Variants in UPF1 observed in about 807,000 individuals in gnomAD.
UPF1 encodes regulator of nonsense transcripts 1.
Under a neutral mutation model 129.2 loss-of-function variants are expected in UPF1, and 9 were observed. That is an observed-to-expected ratio of 0.07 (90% CI 0.04 to 0.12). UPF1 has a LOEUF of 0.12. UPF1 is among the 10% of genes least tolerant of loss of function. The pLI, the probability that UPF1 is intolerant of heterozygous loss-of-function variation, is 1.00. For synonymous variants in UPF1, 649 were observed against 644.9 expected (o/e 1.01, Z -0.10); for missense variants, 788 against 1,525.3 (o/e 0.52, Z 8.05).
At chr19:18,847,263 A>G (rs1013727634) in intron 2 of UPF1, among the ~76,000 whole-genome samples, 1 of 152,216 alleles carries the variant, frequency 6.6e-6, no homozygotes, top group African/African-American at 2.4e-5. Context: ...GATTTTCAGA[A>G]AACCACAGCC....
intron 1 of UPF1, among the ~76,000 whole-genome samples, chr19:18,843,896 C>T (rs1477061102): frequency 6.6e-6 from 1 of 152,016 alleles, no homozygotes; most frequent in East Asian, 1.9e-4. Flanking sequence ...CAAGTGTGCG[C>T]CACCACACCT....
chr19:18,832,333 A>G lies in UPF1; in HGVS notation c.124A>G (p.Ser42Gly), dbSNP rs1363610764. 4 of 1,439,778 alleles carry G rather than the reference A, an allele frequency of 2.8e-6. No homozygotes were observed. In the African/African-American group the frequency reaches 4.4e-5, roughly 16 times the overall value. 89.2% of individuals were successfully genotyped at this position (1,439,778 alleles called of 1,614,324 possible). ...CGAGTTCACCGACTTTACTCTTCCT[A>G]GCCAGACGCAGACGCCCCCCGGCGG... The part of the protein sequence containing the change: ...EFEFTDFTLP[S>G]QTQTPPGGPG... The change falls in exon 1 of 24, where the codon AGC becomes GGC. Residue 42 changes from serine to glycine, a missense_variant. By Grantham distance (56) the Ser-to-Gly change is moderately conservative (BLOSUM62 0). Around this residue, in one of 6 missense-constraint regions of UPF1, gnomAD observed 112 missense variants for 128.2 expected, o/e 0.87. Transcript: ENST00000262803. The surrounding 1 kb of genome is among the most constrained non-coding windows in gnomAD (Gnocchi z 5.6).
At chr19:18,835,140 T>C (rs1191818469) in intron 1 of UPF1, among the ~76,000 whole-genome samples, 1 of 152,132 alleles carries the variant, frequency 6.6e-6, no homozygotes, top group African/African-American at 2.4e-5. Flanking sequence ...CTCACCTGCT[T>C]TCTGTCTCAA....
At position 18,832,510 on chromosome 19, in the gene UPF1, C is replaced by T. The variant is rs531398545; in HGVS notation, c.231+70C>T. ...CGCCTGAGACCTGCCCCGAACTCGC[C>T]TCGGGCCCGGCCTGTGTTTGGCCGG... On this transcript the variant is annotated intron_variant, in intron 1 of 23. Coordinates refer to ENST00000262803, the MANE Select transcript of UPF1 (RefSeq NM_002911.4). This position sits in a 1 kb window ranked among gnomAD's most constrained non-coding sequence, Gnocchi z 5.6. The T allele has an allele frequency of 7.5e-5, 73 of 977,890 alleles. No homozygotes were observed. The highest frequency in any genetic ancestry group is 3.9e-4 in the African/African-American group (22 of 57,142). 60.6% of individuals were successfully genotyped at this position (977,890 alleles called of 1,614,324 possible). A position where few individuals can be genotyped will look rare whatever the true frequency, so the allele number is the denominator to read the frequency against.
rs755352967 is a variant in UPF1, at chr19:18,855,229, C to T, written c.1531C>T (p.Arg511Trp). The change falls in exon 11 of 24, where the codon CGG becomes TGG. Residue 511 changes from arginine (R) to tryptophan (W), a missense_variant. This residue lies in a region of UPF1 where 91 missense variants were observed against 157.2 expected (regional missense o/e 0.58). Transcript: ENST00000262803. ...TSATIVYHLA[R>W]QGNGPVLVCA... The stretch of plus-strand genomic sequence containing the variant: ...GGCCACCATCGTCTACCACCTGGCC[C>T]GGCAAGGCAACGGGTAGGGCTGACA... 1.2e-5 allele frequency: 19 copies of T among 1,611,426 alleles called. No homozygotes were observed. Among genetic ancestry groups the T allele is most frequent in the Non-Finnish European group, 1.2e-5 (14 of 1,179,968 alleles).
At chr19:18,833,936 A>G (rs2055456304) in intron 1 of UPF1, among the ~76,000 whole-genome samples, 1 of 152,140 alleles carries the variant, frequency 6.6e-6, no homozygotes, top group Non-Finnish European at 1.5e-5. Context: ...TATTCCTTAA[A>G]ATAGAAGGTG....
chr19:18,865,248 C>G lies in UPF1; in HGVS notation c.2858-41C>G. On this transcript the variant is annotated intron_variant, in intron 20 of 23. Coordinates refer to ENST00000262803, the MANE Select transcript of UPF1 (RefSeq NM_002911.4). The surrounding 1 kb of genome is among the most constrained non-coding windows in gnomAD (Gnocchi z 6.1). ...GGGTGGGGTATCGCTGGGGTTTGAC[C>G]GAGGCAGGTGACACCTGCCGTGTTC... The G allele has an allele frequency of 6.4e-7, 1 of 1,564,688 alleles. No homozygotes were observed. The highest frequency in any genetic ancestry group is 8.7e-7 in the Non-Finnish European group (1 of 1,148,638).
rs1037258585 is a variant in UPF1, at chr19:18,867,054, T to C, written c.*537T>C. ...CCTTCATTTAAAGAAAATAAGGGTG[T>C]TTTGGGTTTTTCTCTTTGTTTTTTT... On this transcript the variant is annotated 3_prime_UTR_variant, in exon 24 of 24. Coordinates refer to ENST00000262803, the MANE Select transcript of UPF1 (RefSeq NM_002911.4). 5 of 152,580 alleles carry C rather than the reference T, an allele frequency of 3.3e-5. No individual in the cohort carries two copies. The highest frequency in any genetic ancestry group is 1.2e-4 in the African/African-American group (5 of 41,432). The allele number at this position is 152,580 out of a possible 1,614,324, so 9.5% of individuals were successfully genotyped here. A position where few individuals can be genotyped will look rare whatever the true frequency, so the allele number is the denominator to read the frequency against.
At chr19:18,848,772 A>G (rs2055626865) in intron 3 of UPF1, among the ~76,000 whole-genome samples, 1 of 152,172 alleles carries the variant, frequency 6.6e-6, no homozygotes, top group Non-Finnish European at 1.5e-5. Flanking sequence ...TTTTTAAAAG[A>G]TTTTAAAGAA....
intron 1 of UPF1, among the ~76,000 whole-genome samples, chr19:18,844,324 T>C (rs561376045): frequency 4.0e-5 from 6 of 149,408 alleles, no homozygotes; most frequent in African/African-American, 1.5e-4. Context: ...GTTTTTCTTT[T>C]TTCTTTTTTT....
rs543426971 is a variant in UPF1, at chr19:18,866,234, C to T, written c.*3+68C>T. The T allele has an allele frequency of 4.3e-3, 6,364 of 1,484,630 alleles. 19 individuals are homozygous for T. Among genetic ancestry groups the T allele is most frequent in the Middle Eastern group, 5.7e-3 (26 of 4,590 alleles). The allele number at this position is 1,484,630 out of a possible 1,614,324, so 92.0% of individuals were successfully genotyped here. A position where few individuals can be genotyped will look rare whatever the true frequency, so the allele number is the denominator to read the frequency against. ...GGAGAAGGATGGGAGGGGGCTCTCC[C>T]CAGGGAGCTGCACTGGAGGGGTGGT... is the stretch of plus-strand genomic sequence containing the variant. On this transcript the variant is annotated intron_variant, in intron 23 of 23. Transcript: ENST00000262803.
In UPF1 at chr19:18,855,980, A is replaced by C. The variant is rs777064083; in HGVS notation, c.1600A>C (p.Ile534Leu). 6.2e-7 allele frequency: 1 copy of C among 1,614,004 alleles called. No homozygotes were observed. The highest frequency in any genetic ancestry group is 8.5e-7 in the Non-Finnish European group (1 of 1,180,044). The change falls in exon 12 of 24, where the codon ATC (isoleucine) becomes CTC (leucine). Residue 534 changes from isoleucine to leucine, a missense_variant. Ile to Leu is a conservative substitution (Grantham distance 5, BLOSUM62 2). Around this residue, in one of 6 missense-constraint regions of UPF1, gnomAD observed 91 missense variants for 157.2 expected, o/e 0.58. Coordinates refer to ENST00000262803, the MANE Select transcript of UPF1 (RefSeq NM_002911.4). Reference sequence around the variant, plus strand: ...CGCCGTGGACCAGCTAACGGAGAAGATCCACCAGACGGGGCTAAAGGTCGT... The same window carrying C: ...CGCCGTGGACCAGCTAACGGAGAAGCTCCACCAGACGGGGCTAAAGGTCGT... Reference protein sequence around the residue: ...NIAVDQLTEKIHQTGLKVVRL... With the variant: ...NIAVDQLTEKLHQTGLKVVRL...
rs371817217 is a variant in UPF1, at chr19:18,840,203, A to G, written c.232-5777A>G. ...GGCCACAGGGCAGTGGAGACGGAGGACACCGGGATCAGGGCTGTGTGTGTA... is the reference window on the plus strand; with the variant it reads ...GGCCACAGGGCAGTGGAGACGGAGGGCACCGGGATCAGGGCTGTGTGTGTA... On this transcript the variant is annotated intron_variant, in intron 1 of 23. Coordinates refer to ENST00000262803, the MANE Select transcript of UPF1 (RefSeq NM_002911.4). Among the ~76,000 whole-genome samples, 6 of 152,018 alleles carry G rather than the reference A, an allele frequency of 3.9e-5. No individual in the cohort carries two copies. In the East Asian group the frequency reaches 9.7e-4, roughly 24 times the overall value.
intron 17 of UPF1, 22 bp downstream of exon 17, chr19:18,861,004 A>G: frequency 6.4e-7 from 1 of 1,556,606 alleles, no homozygotes; most frequent in Non-Finnish European, 8.7e-7. Flanking sequence ...CCTCGGGCAC[A>G]CTTGGTCTCC....
In UPF1 at chr19:18,851,928, G is replaced by A. The variant is rs577853372; in HGVS notation, c.811-207G>A. Among the ~76,000 whole-genome samples the A allele has an allele frequency of 7.9e-5, 12 of 152,370 alleles. No individual in the cohort carries two copies. Among genetic ancestry groups the A allele is most frequent in the East Asian group, 1.9e-4 (1 of 5,182 alleles). On this transcript the variant is annotated intron_variant, in intron 5 of 23. Coordinates refer to ENST00000262803, the MANE Select transcript of UPF1 (RefSeq NM_002911.4). This position sits in a 1 kb window ranked among gnomAD's most constrained non-coding sequence, Gnocchi z 4.2. ...CTGAGGCCCAGGCATGGGCCAGGCC[G>A]GTGTGCAGCTCCCTGTGTGGCATGG...
chr19:18,864,896 G>T (rs2055825254), intron 20 of UPF1, among the ~76,000 whole-genome samples: 1 of 151,780 alleles, frequency 6.6e-6, no homozygotes, highest in South Asian at 2.1e-4. Flanking sequence ...CCACCACCAT[G>T]CCCGGCTAGT....
rs753544328 is a variant in UPF1 at position 18,850,763 on chromosome 19, C to A, written c.705C>A (p.Asp235Glu). 6.2e-7 allele frequency: 1 copy of A among 1,611,764 alleles called. No individual in the cohort carries two copies. Residue 235 changes from aspartate (D) to glutamate (E), a missense_variant, in exon 5 of 24, where the codon GAC (aspartate) becomes GAA (glutamate). Asp to Glu is a conservative substitution (Grantham distance 45). Transcript: ENST00000262803. This position sits in a 1 kb window ranked among gnomAD's most constrained non-coding sequence, Gnocchi z 7.1. ...CGCAGTGGCAGCCGCTGATCCAGGA[C>A]CGCTGCTTCCTGTCCTGGCTGGTCA... is the stretch of plus-strand genomic sequence containing the variant. Reference protein sequence around the residue: ...DSSQWQPLIQDRCFLSWLVKI... With the variant: ...DSSQWQPLIQERCFLSWLVKI...
intron 10 of UPF1, 35 bp downstream of exon 10, chr19:18,855,073 A>G (rs751051013): frequency 1.2e-5 from 19 of 1,612,952 alleles, no homozygotes; most frequent in Admixed American, 5.0e-5. Context: ...GGCCTCGCCC[A>G]TGGGCCGGGA....
chr19:18,858,256 G>T (rs1345305060), intron 15 of UPF1, among the ~76,000 whole-genome samples: 1 of 152,184 alleles, frequency 6.6e-6, no homozygotes, highest in Middle Eastern at 3.2e-3. Flanking sequence ...AGAACTAGTG[G>T]CAACATCTGT....
Sources: allele counts gnomAD v4.1 joint callset (sites outside exome capture counted in the v4.1 genomes callset), GRCh38; gene constraint gnomAD v4.1.1; regional missense constraint gnomAD v4.1.1; non-coding constraint Gnocchi (gnomAD v3.1); transcripts MANE v1.5; gene names NCBI Gene and HGNC (gene_info 2026-07-23, HGNC 2026-07-21).